The following DSTYK variants were observed in gnomAD, a reference collection of about 807,000 sequenced individuals.
DSTYK encodes the protein dual serine/threonine and tyrosine protein kinase.
A neutral mutation model predicts 98.7 loss-of-function variants in DSTYK; 34 were observed. The observed-to-expected ratio is 0.34, with a 90% confidence interval of 0.26 to 0.46. DSTYK has a LOEUF of 0.46. Among genes scored for constraint, DSTYK ranks in the 20% least tolerant of loss-of-function variants. DSTYK has a pLI of 1.00. For synonymous variants in DSTYK, 462 were observed against 457.3 expected (o/e 1.01, Z -0.13); for missense variants, 962 against 1,181.7 (o/e 0.81, Z 2.73).
chr1:205,193,150 T>G (rs781431134), intron 1 of DSTYK, among the ~76,000 whole-genome samples: 2 of 152,190 alleles, frequency 1.3e-5, no homozygotes, highest in African/African-American at 2.4e-5. Flanking sequence ...TAAAGTCTCT[T>G]TGCTAAAAGA....
At chr1:205,148,383 A>G (rs1222778574) in intron 11 of DSTYK, 44 bp from the exon 12 acceptor site, 30 of 1,606,406 alleles carry the variant, frequency 1.9e-5, no homozygotes, top group Non-Finnish European at 2.5e-5. Flanking sequence ...ACAGAGAGTC[A>G]GGCAGCAGCA....
At chr1:205,154,483 A>G (rs1011185903) in intron 10 of DSTYK, among the ~76,000 whole-genome samples, 2 of 151,908 alleles carry the variant, frequency 1.3e-5, no homozygotes, top group Non-Finnish European at 2.9e-5. Flanking sequence ...TTCCCCTTCC[A>G]CTATGATGGT....
At chr1:205,149,482 C>T (rs1657341582) in intron 11 of DSTYK, among the ~76,000 whole-genome samples, 1 of 152,146 alleles carries the variant, frequency 6.6e-6, no homozygotes, top group African/African-American at 2.4e-5. Flanking sequence ...ACCGTGGAGT[C>T]ATCTTTTAGT....
intron 8 of DSTYK, 120 bp from the exon 9 acceptor site, chr1:205,159,799 C>A (rs1657665141): frequency 7.8e-7 from 1 of 1,288,462 alleles, no homozygotes. Flanking sequence ...AGGTAATGGC[C>A]CTCAGTGCAG....
rs962888081 is a variant in DSTYK at position 205,150,085 on chromosome 1, A to G, written c.2467+595T>C. On this transcript the variant is annotated intron_variant, in intron 11 of 12. Transcript: ENST00000367162. This position sits in a 1 kb window ranked among gnomAD's most constrained non-coding sequence, Gnocchi z 4.1. ...CATCATCGTCACAGAATTAAACAAA[A>G]TATGTGAAAAACCTACCCATACTGC... is the stretch of plus-strand genomic sequence containing the variant. 2.0e-5 allele frequency among the ~76,000 whole-genome samples: 3 copies of G among 152,178 alleles called. No homozygotes were observed. The highest frequency in any genetic ancestry group is 4.8e-5 in the African/African-American group (2 of 41,430).
At chr1:205,166,511 G>T (rs1657896391) in intron 3 of DSTYK, among the ~76,000 whole-genome samples, 1 of 151,826 alleles carries the variant, frequency 6.6e-6, no homozygotes, top group Admixed American at 6.6e-5. Context: ...ATATGTGCTA[G>T]CTTGCTTCTA....
At chr1:205,166,195 A>G (rs1387562773) in intron 3 of DSTYK, among the ~76,000 whole-genome samples, 1 of 152,198 alleles carries the variant, frequency 6.6e-6, no homozygotes, top group African/African-American at 2.4e-5. Flanking sequence ...AGTGCAGAAG[A>G]ACATATGGAG....
intron 3 of DSTYK, among the ~76,000 whole-genome samples, chr1:205,168,956 G>C (rs1030223779): frequency 6.6e-6 from 1 of 152,204 alleles, no homozygotes; most frequent in African/African-American, 2.4e-5. Flanking sequence ...TTCTTGGGAA[G>C]GAATGAGGGT....
At chr1:205,192,732 G>A (rs996308070) in intron 1 of DSTYK, among the ~76,000 whole-genome samples, 3 of 151,996 alleles carry the variant, frequency 2.0e-5, no homozygotes, top group Non-Finnish European at 2.9e-5. Flanking sequence ...CATGGTGGCC[G>A]ACGCCTGTAA....
intron 2 of DSTYK, among the ~76,000 whole-genome samples, chr1:205,181,821 A>C (rs891435029): frequency 2.0e-5 from 3 of 151,784 alleles, no homozygotes; most frequent in Non-Finnish European, 2.9e-5. Flanking sequence ...AGCTTGGACC[A>C]CAGGTGTACA....
At position 205,211,687 on chromosome 1, in the gene DSTYK, G is replaced by T; in HGVS notation, c.-152C>A. 2 of 1,092,574 alleles carry T rather than the reference G, an allele frequency of 1.8e-6. No homozygotes were observed. Among genetic ancestry groups the T allele is most frequent in the Non-Finnish European group, 2.5e-6 (2 of 806,558 alleles). 67.7% of individuals were successfully genotyped at this position (1,092,574 alleles called of 1,614,324 possible). A position where few individuals can be genotyped will look rare whatever the true frequency, so the allele number is the denominator to read the frequency against. On this transcript the variant is annotated 5_prime_UTR_variant, in exon 1 of 13. Transcript: ENST00000367162. ...GCTCCCAACCTCCGTCACTGCCGTTGCAAACAAACCAAACCGCAGTGCGCC... is the reference window on the plus strand; with the variant it reads ...GCTCCCAACCTCCGTCACTGCCGTTTCAAACAAACCAAACCGCAGTGCGCC...
chr1:205,176,282 A>T (rs1331271331), intron 2 of DSTYK, among the ~76,000 whole-genome samples: 1 of 152,084 alleles, frequency 6.6e-6, no homozygotes, highest in African/African-American at 2.4e-5. Flanking sequence ...GTTCAAGACC[A>T]GCCTGATCAA....
chr1:205,198,011 T>C (rs1217445335), intron 1 of DSTYK, among the ~76,000 whole-genome samples: 1 of 152,098 alleles, frequency 6.6e-6, no homozygotes, highest in African/African-American at 2.4e-5. Context: ...CTGACCATCA[T>C]GGAGAAACCC....
rs377144521 is a variant in DSTYK, at chr1:205,187,672, C to G, written c.400G>C (p.Val134Leu). 1.2e-6 allele frequency: 2 copies of G among 1,614,046 alleles called. No individual in the cohort carries two copies. The highest frequency in any genetic ancestry group is 1.7e-6 in the Non-Finnish European group (2 of 1,180,042). Residue 134 changes from valine to leucine, a missense_variant, in exon 2 of 13, where the codon GTG becomes CTG. Val to Leu is a conservative substitution (Grantham distance 32). This residue lies in a region of DSTYK where 660 missense variants were observed against 855.0 expected (regional missense o/e 0.77). Transcript: ENST00000367162. ...AGCTTGGTGGTGGGAAGCACCTGCA[C>G]CCCCAACAGCAGATTCAACAGCTGG... ...KCQLLNLLLG[V>L]QVLPTTKLGS...
In DSTYK at chr1:205,161,402, G is replaced by GA; in HGVS notation, c.1819-16dup. ...CCAGCTTCCAGCTGGGAGAGAAACA[G>GA]AAAAAGTACATATGACTTAAGTCCC... On this transcript the variant is annotated splice_polypyrimidine_tract_variant and intron_variant, in intron 6 of 12. Coordinates refer to ENST00000367162, the MANE Select transcript of DSTYK (RefSeq NM_015375.3). 1 of 1,613,358 alleles carries GA rather than the reference G, an allele frequency of 6.2e-7. No homozygotes were observed. The highest frequency in any genetic ancestry group is 8.5e-7 in the Non-Finnish European group (1 of 1,179,772).
intron 1 of DSTYK, among the ~76,000 whole-genome samples, chr1:205,206,273 G>T (rs11240386): frequency 0.5 from 75,084 of 149,230 alleles, 21,262 homozygotes; most frequent in Non-Finnish European, 0.63. Flanking sequence ...GTTTTTTTTG[G>T]TTTTTTTTTT....
chr1:205,159,496 A>C, intron 9 of DSTYK, 51 bp downstream of exon 9: 1 of 1,571,380 alleles, frequency 6.4e-7, no homozygotes, highest in African/African-American at 1.3e-5. Context: ...ATGAGTGGCC[A>C]GAAAGGAACC....
At chr1:205,185,263 CA>C (rs1190700970) in intron 2 of DSTYK, among the ~76,000 whole-genome samples, 1 of 152,134 alleles carries the variant, frequency 6.6e-6, no homozygotes, top group Non-Finnish European at 1.5e-5. Flanking sequence ...AGAAAAAAGT[CA>C]AATGATTTGC....
chr1:205,181,653 G>GGGTGT (rs758360038), intron 2 of DSTYK, among the ~76,000 whole-genome samples: 1 of 83,962 alleles, frequency 1.2e-5, no homozygotes, highest in Non-Finnish European at 3.1e-5. Context: ...CAGATGTTGG[G>GGGTGT]GTTTGTGTGT....
Sources: allele counts gnomAD v4.1 joint callset (sites outside exome capture counted in the v4.1 genomes callset), GRCh38; gene constraint gnomAD v4.1.1; regional missense constraint gnomAD v4.1.1; non-coding constraint Gnocchi (gnomAD v3.1); transcripts MANE v1.5; gene names NCBI Gene and HGNC (gene_info 2026-07-23, HGNC 2026-07-21).